The following DOK6 variants were observed in gnomAD, a reference collection of about 807,000 sequenced individuals.
DOK6 encodes downstream of tyrosine kinase 6.
Under a neutral mutation model 44.0 loss-of-function variants are expected in DOK6, and 22 were observed. The ratio of observed to expected loss-of-function variants is 0.50; its 90% CI spans 0.36 to 0.71. DOK6 has a LOEUF of 0.71. Ranked by LOEUF, DOK6 falls within the 30% of genes least tolerant of loss-of-function variation. The pLI, the probability that DOK6 is intolerant of heterozygous loss-of-function variation, is 0.00. For missense variants in DOK6, 340 were observed against 416.4 expected, an observed-to-expected ratio of 0.82 and a Z score of 1.60; for synonymous variants, 166 against 145.5, an observed-to-expected ratio of 1.14 and a Z score of -1.01.
chr18:69,629,439 G>A (rs1444825954), intron 3 of DOK6, among the ~76,000 whole-genome samples: 1 of 152,098 alleles, frequency 6.6e-6, no homozygotes, highest in Non-Finnish European at 1.5e-5. Flanking sequence ...CTAATTAAAA[G>A]AGCGGCATTC....
chr18:69,595,220 C>A (rs1246951155), intron 2 of DOK6, among the ~76,000 whole-genome samples: 1 of 152,060 alleles, frequency 6.6e-6, no homozygotes, highest in African/African-American at 2.4e-5. Context: ...TTACCAATGT[C>A]TTTTTTTACA....
chr18:69,418,242 C>G (rs1036649076), intron 1 of DOK6, among the ~76,000 whole-genome samples: 3 of 152,026 alleles, frequency 2.0e-5, no homozygotes, highest in African/African-American at 7.2e-5. Context: ...TATTGAAAGA[C>G]AGGGGTCCAG....
intron 3 of DOK6, among the ~76,000 whole-genome samples, chr18:69,630,270 A>G (rs956422679): frequency 6.6e-6 from 1 of 152,188 alleles, no homozygotes; most frequent in Non-Finnish European, 1.5e-5. Flanking sequence ...TTTACATGTG[A>G]TGTTTCAAAA....
At chr18:69,790,272 G>T (rs1280602585) in intron 7 of DOK6, among the ~76,000 whole-genome samples, 8 of 151,238 alleles carry the variant, frequency 5.3e-5, no homozygotes, top group Non-Finnish European at 1.2e-4. Context: ...GTCGGGGGGT[G>T]GGGGGCAAGG....
chr18:69,492,573 C>G (rs1024289991), intron 1 of DOK6, among the ~76,000 whole-genome samples: 2 of 151,964 alleles, frequency 1.3e-5, no homozygotes, highest in African/African-American at 4.8e-5. Context: ...TCAATCCTCA[C>G]CCTCCATCCT....
intron 7 of DOK6, among the ~76,000 whole-genome samples, chr18:69,790,014 C>T (rs1040638706): frequency 1.3e-5 from 2 of 152,092 alleles, no homozygotes; most frequent in African/African-American, 2.4e-5. Flanking sequence ...CCCTTTGTTG[C>T]TACAATGGAG....
intron 3 of DOK6, among the ~76,000 whole-genome samples, chr18:69,615,905 A>G (rs10513968): frequency 0.58 from 87,531 of 152,002 alleles, 25,522 homozygotes; most frequent in South Asian, 0.67. Flanking sequence ...AACTGATTTC[A>G]TTTAGGATGA....
intron 7 of DOK6, among the ~76,000 whole-genome samples, chr18:69,779,946 C>A (rs1422518792): frequency 6.6e-6 from 1 of 151,890 alleles, no homozygotes; most frequent in African/African-American, 2.4e-5. Context: ...CAAATTCAAT[C>A]ATAGTATCCT....
Position 69,586,998 on chromosome 18 carries a change from T to TG in DOK6, c.175-12386_175-12385insG, listed in dbSNP as rs1983517889. ...GAATAAGCAGGGATGTATCCCTTGC[T>TG]TTTAAAGAAACAAATATCTTACTGG... On this transcript the variant is annotated intron_variant, in intron 2 of 7. Transcript: ENST00000382713. 2.0e-5 allele frequency among the ~76,000 whole-genome samples: 3 copies of TG among 152,238 alleles called. No individual in the cohort carries two copies. The South Asian group carries it at 6.2e-4, about 32-fold the overall frequency.
chr18:69,623,303 T>C (rs987520674), intron 3 of DOK6, among the ~76,000 whole-genome samples: 6 of 152,302 alleles, frequency 3.9e-5, no homozygotes, highest in Admixed American at 1.3e-4. Flanking sequence ...CAGTCTCAGG[T>C]AGTTCTTTAC....
chr18:69,435,964 T>C (rs1978964568), intron 1 of DOK6, among the ~76,000 whole-genome samples: 1 of 152,090 alleles, frequency 6.6e-6, no homozygotes, highest in Non-Finnish European at 1.5e-5. Flanking sequence ...ATAAAGTTAA[T>C]ATACTTTTAA....
chr18:69,573,692 T>G (rs1983171731), intron 2 of DOK6, among the ~76,000 whole-genome samples: 1 of 151,930 alleles, frequency 6.6e-6, no homozygotes, highest in Non-Finnish European at 1.5e-5. Context: ...TTTATTTTAG[T>G]AAATATTACC....
chr18:69,555,661 T>C (rs1376196037), intron 1 of DOK6, among the ~76,000 whole-genome samples: 1 of 152,238 alleles, frequency 6.6e-6, no homozygotes, highest in Non-Finnish European at 1.5e-5. Flanking sequence ...TTAGCAAGTC[T>C]TCCCATCTTG....
At chr18:69,537,918 T>C (rs1982165731) in intron 1 of DOK6, among the ~76,000 whole-genome samples, 1 of 152,196 alleles carries the variant, frequency 6.6e-6, no homozygotes, top group African/African-American at 2.4e-5. Context: ...AATAAGCTCC[T>C]TAGAAAGCTT....
rs567264156 is a variant in DOK6, at chr18:69,548,044, C to T, written c.67-16443C>T. ...TCTCAGCTCACTGCAAACTCCACCTCCCAGGTTCACTCCATTCTCCTGCCT... is the reference window on the plus strand; with the variant it reads ...TCTCAGCTCACTGCAAACTCCACCTTCCAGGTTCACTCCATTCTCCTGCCT... On this transcript the variant is annotated intron_variant, in intron 1 of 7. Transcript: ENST00000382713. Among the ~76,000 whole-genome samples the T allele has an allele frequency of 8.5e-3, 1,276 of 150,582 alleles. 67 individuals carry two copies. The highest frequency in any genetic ancestry group is 0.014 in the Non-Finnish European group (943 of 67,428).
chr18:69,454,979 CAG>C (rs1979584063), intron 1 of DOK6, among the ~76,000 whole-genome samples: 1 of 143,464 alleles, frequency 7.0e-6, no homozygotes, highest in Admixed American at 7.0e-5. Context: ...TTAGTGGGTG[CAG>C]CGCACCAGCA....
intron 1 of DOK6, among the ~76,000 whole-genome samples, chr18:69,472,809 C>T (rs1410917988): frequency 6.6e-6 from 1 of 150,482 alleles, no homozygotes; most frequent in East Asian, 2.0e-4. Flanking sequence ...CATTTGACCT[C>T]AGTCACAAAC....
At chr18:69,644,509 G>T (rs1985021942) in intron 3 of DOK6, among the ~76,000 whole-genome samples, 1 of 152,120 alleles carries the variant, frequency 6.6e-6, no homozygotes, top group Non-Finnish European at 1.5e-5. Flanking sequence ...TTAATGAAAA[G>T]GTTACCATTC....
chr18:69,564,380 C>A, intron 1 of DOK6, 107 bp from the exon 2 acceptor site: 1 of 782,834 alleles, frequency 1.3e-6, no homozygotes, highest in Non-Finnish European at 2.0e-6. Flanking sequence ...CAATCAAAAA[C>A]AGTTCCTCTC....
Sources: allele counts gnomAD v4.1 joint callset (sites outside exome capture counted in the v4.1 genomes callset), GRCh38; gene constraint gnomAD v4.1.1; transcripts MANE v1.5; gene names NCBI Gene and HGNC (gene_info 2026-07-23, HGNC 2026-07-21).